The following PARD3 variants were observed in gnomAD, a reference collection of about 807,000 sequenced individuals.
PARD3 encodes partitioning defective 3 homolog.
A neutral mutation model predicts 155.4 loss-of-function variants in PARD3; 75 were observed. The ratio of observed to expected loss-of-function variants is 0.48; its 90% confidence interval spans 0.40 to 0.58. The LOEUF (loss-of-function observed/expected upper bound fraction) is 0.58, where lower values mean the gene tolerates loss of function less well. PARD3 is among the 20% of genes least tolerant of loss of function. The pLI is 0.00. For synonymous variants in PARD3, 576 were observed against 610.5 expected, an observed-to-expected ratio of 0.94 and a Z score of 0.83; for missense variants, 1,642 against 1,721.7, an observed-to-expected ratio of 0.95 and a Z score of 0.82.
rs1842714889 is a variant in PARD3 at position 34,389,858 on chromosome 10, T to C, written c.891-5604A>G. Among the ~76,000 whole-genome samples, 4 of 152,130 alleles carry C rather than the reference T, an allele frequency of 2.6e-5. No homozygotes were observed. In the South Asian group the frequency reaches 8.3e-4, roughly 32 times the overall value. The stretch of plus-strand genomic sequence containing the variant: ...TTTTTTTTAGAAAAACTTCAATGAA[T>C]GAGATAAATCAGGCCAAAAAGGTAA... On this transcript the variant is annotated intron_variant, in intron 7 of 24. Coordinates refer to ENST00000374788, the MANE Select transcript of PARD3 (RefSeq NM_001184785.2).
chr10:34,517,923 G>A (rs1053164517), intron 2 of PARD3, among the ~76,000 whole-genome samples: 1 of 152,180 alleles, frequency 6.6e-6, no homozygotes, highest in African/African-American at 2.4e-5. Context: ...GAGACGCCCA[G>A]GCTGGAATGC....
At chr10:34,387,074 G>A (rs775253139) in intron 7 of PARD3, among the ~76,000 whole-genome samples, 16 of 152,168 alleles carry the variant, frequency 1.1e-4, no homozygotes, top group Non-Finnish European at 2.2e-4. Context: ...ACTTTGGAAT[G>A]TGTATGCTTT....
At chr10:34,484,452 T>C (rs1277593446) in intron 3 of PARD3, among the ~76,000 whole-genome samples, 1 of 152,262 alleles carries the variant, frequency 6.6e-6, no homozygotes, top group Non-Finnish European at 1.5e-5. Context: ...ATTTTCTTCA[T>C]AGGCAATCTT....
chr10:34,242,500 G>A (rs1953672611), intron 22 of PARD3, among the ~76,000 whole-genome samples: 1 of 152,108 alleles, frequency 6.6e-6, no homozygotes, highest in South Asian at 2.1e-4. Context: ...CGTAAAATGA[G>A]GGGTTGTTAA....
intron 12 of PARD3, among the ~76,000 whole-genome samples, chr10:34,371,997 T>C (rs1432788051): frequency 6.6e-6 from 1 of 152,144 alleles, no homozygotes; most frequent in East Asian, 1.9e-4. Context: ...GAGCTGTGAG[T>C]CCTTAACTTT....
At chr10:34,690,806 T>C (rs142172104) in intron 2 of PARD3, among the ~76,000 whole-genome samples, 165 of 152,330 alleles carry the variant, frequency 1.1e-3, no homozygotes, top group African/African-American at 3.6e-3. Flanking sequence ...TCATCTCAGC[T>C]GCTCAGAGTA....
chr10:34,362,774 C>T (rs1404500768), intron 12 of PARD3, among the ~76,000 whole-genome samples: 1 of 152,208 alleles, frequency 6.6e-6, no homozygotes. Context: ...GGCTTACGTG[C>T]CCAGCCCCTT....
intron 2 of PARD3, among the ~76,000 whole-genome samples, chr10:34,578,985 T>C (rs1259256728): frequency 6.6e-6 from 1 of 151,976 alleles, no homozygotes; most frequent in Non-Finnish European, 1.5e-5. Flanking sequence ...AAAGAGAAAA[T>C]TATAAGGCTG....
At chr10:34,331,975 C>T (rs1439306781) in intron 18 of PARD3, among the ~76,000 whole-genome samples, 1 of 152,062 alleles carries the variant, frequency 6.6e-6, no homozygotes, top group Admixed American at 6.6e-5. Flanking sequence ...GTAACACAAG[C>T]TTTGAACGGA....
At chr10:34,623,694 T>C (rs1296100414) in intron 2 of PARD3, among the ~76,000 whole-genome samples, 4 of 151,738 alleles carry the variant, frequency 2.6e-5, no homozygotes, top group Non-Finnish European at 5.9e-5. Flanking sequence ...ACAATGTCAG[T>C]GCAGGGCCAG....
intron 2 of PARD3, among the ~76,000 whole-genome samples, chr10:34,598,796 T>C (rs2089514776): frequency 6.6e-6 from 1 of 152,282 alleles, no homozygotes; most frequent in African/African-American, 2.4e-5. Flanking sequence ...GCTACTGCCA[T>C]AGACCTGCAG....
At chr10:34,737,282 G>T (rs527645883) in intron 1 of PARD3, among the ~76,000 whole-genome samples, 1 of 152,342 alleles carries the variant, frequency 6.6e-6, no homozygotes, top group East Asian at 1.9e-4. Context: ...GGGTTATTCT[G>T]TAACTATGTG....
At chr10:34,479,318 C>T (rs1318355849) in intron 3 of PARD3, among the ~76,000 whole-genome samples, 1 of 151,854 alleles carries the variant, frequency 6.6e-6, no homozygotes, top group Non-Finnish European at 1.5e-5. Flanking sequence ...CCTGCCACCA[C>T]GCCCGGCTAA....
At chr10:34,584,661 T>C (rs1254325893) in intron 2 of PARD3, among the ~76,000 whole-genome samples, 1 of 152,118 alleles carries the variant, frequency 6.6e-6, no homozygotes, top group Non-Finnish European at 1.5e-5. Flanking sequence ...TTGTCTATTA[T>C]TTTTCAGTTG....
intron 1 of PARD3, among the ~76,000 whole-genome samples, chr10:34,730,352 G>T (rs542936689): frequency 2.0e-5 from 3 of 152,060 alleles, no homozygotes; most frequent in South Asian, 2.1e-4. Flanking sequence ...TAATGAGTTT[G>T]CAGATTGAAA....
rs544356906 is a variant in PARD3 at position 34,586,827 on chromosome 10, T to C, written c.223-69668A>G. ...AGCCGGGCATAGTGGCACATGCCTGTAATCCCAGCTACTCAGGAGGCTGAG... is the reference window on the plus strand; with the variant it reads ...AGCCGGGCATAGTGGCACATGCCTGCAATCCCAGCTACTCAGGAGGCTGAG... On this transcript the variant is annotated intron_variant, in intron 2 of 24. Transcript: ENST00000374788. Among the ~76,000 whole-genome samples, 45 of 152,082 alleles carry C rather than the reference T, an allele frequency of 3.0e-4. 1 individual carries two copies. The highest frequency in any genetic ancestry group is 1.9e-3 in the South Asian group (9 of 4,806).
intron 11 of PARD3, among the ~76,000 whole-genome samples, chr10:34,373,431 G>C (rs1213725915): frequency 6.6e-6 from 1 of 152,066 alleles, no homozygotes; most frequent in East Asian, 1.9e-4. Flanking sequence ...CTTAAGAGCA[G>C]TGTCTAAGCT....
chr10:34,792,204 C>T (rs754257476), intron 1 of PARD3, among the ~76,000 whole-genome samples: 2 of 152,180 alleles, frequency 1.3e-5, no homozygotes, highest in Non-Finnish European at 2.9e-5. Context: ...CTCCACCCAA[C>T]GCTGGGTGGG....
At chr10:34,187,948 T>C (rs1463017867) in intron 22 of PARD3, among the ~76,000 whole-genome samples, 9 of 152,186 alleles carry the variant, frequency 5.9e-5, no homozygotes, top group African/African-American at 1.9e-4. Context: ...CAACTAGCTG[T>C]CTGGGTAAAT....
Sources: allele counts gnomAD v4.1 joint callset (sites outside exome capture counted in the v4.1 genomes callset), GRCh38; gene constraint gnomAD v4.1.1; transcripts MANE v1.5; gene names NCBI Gene and HGNC (gene_info 2026-07-23, HGNC 2026-07-21).